CPS1: variants seen among roughly 807,000 people sequenced by gnomAD.
CPS1 encodes carbamoyl-phosphate synthase [ammonia], mitochondrial.
CPS1 carries 109 observed loss-of-function variants against 174.6 expected under a neutral mutation model. That is an observed-to-expected ratio of 0.62 (90% CI 0.53 to 0.73). The LOEUF is 0.73. Among genes scored for constraint, CPS1 ranks in the 30% least tolerant of loss-of-function variants. The pLI is 0.00. For missense variants in CPS1, 1,689 were observed against 1,821.9 expected (o/e 0.93, Z 1.33); for synonymous variants, 637 against 632.0 (o/e 1.01, Z -0.12).
At position 210,650,423 on chromosome 2, in the gene CPS1, G is replaced by A. The variant is rs772806744; in HGVS notation, c.3465G>A (p.Ala1155=). The A allele has an allele frequency of 1.6e-5, 26 of 1,612,490 alleles. 1 individual carries two copies. Among genetic ancestry groups the A allele is most frequent in the Admixed American group, 1.5e-4 (9 of 59,974 alleles). ...EDEMKKFLEE[A]TRVSQEHPVV... is the part of the protein sequence containing the mutation. ...AGATGAAAAAATTCCTAGAAGAGGC[G>A]ACTAGAGTTTCTCAGGTAGTGTCCA... is the stretch of plus-strand genomic sequence containing the variant. The change falls in exon 28 of 38, where the codon GCG becomes GCA. Residue 1155 remains alanine (A), a synonymous_variant. Coordinates refer to ENST00000233072, the MANE Select transcript of CPS1 (RefSeq NM_001875.5).
At chr2:210,521,081 C>A (rs976978348) in intron 1 of CPS1, among the ~76,000 whole-genome samples, 1 of 151,966 alleles carries the variant, frequency 6.6e-6, no homozygotes, top group African/African-American at 2.4e-5. Context: ...ATAGGAGTTT[C>A]AATTCTTTGA....
chr2:210,517,117 TA>T (rs1032107486), intron 1 of CPS1, among the ~76,000 whole-genome samples: 25 of 152,092 alleles, frequency 1.6e-4, no homozygotes, highest in Middle Eastern at 3.4e-3. Context: ...AAATATTTCA[TA>T]AAGGACCTTA....
At chr2:210,506,198 C>T (rs1381050608) in intron 1 of CPS1, among the ~76,000 whole-genome samples, 8 of 152,136 alleles carry the variant, frequency 5.3e-5, no homozygotes, top group South Asian at 2.1e-4. Flanking sequence ...TCCAGAGGAA[C>T]GATCGGGCAG....
At chr2:210,492,981 A>G (rs1474827138) in intron 1 of CPS1, among the ~76,000 whole-genome samples, 1 of 152,198 alleles carries the variant, frequency 6.6e-6, no homozygotes, top group Non-Finnish European at 1.5e-5. Context: ...GTCTGCAACA[A>G]CTGCAATAAT....
chr2:210,617,077 C>T (rs1430798150), intron 21 of CPS1, among the ~76,000 whole-genome samples: 1 of 151,946 alleles, frequency 6.6e-6, no homozygotes, highest in Non-Finnish European at 1.5e-5. Flanking sequence ...AGACTCTTCA[C>T]CTCTGACTAA....
chr2:210,477,818 G>C, intron 1 of CPS1: 1 of 1,599,686 alleles, frequency 6.3e-7, no homozygotes, highest in Non-Finnish European at 8.6e-7. Flanking sequence ...GTGTTTGAAG[G>C]AGCAACTCAC....
rs1381476557 is a variant in CPS1 at position 210,600,605 on chromosome 2, C to T, written c.1600C>T (p.Leu534=). 6.2e-7 allele frequency: 1 copy of T among 1,612,250 alleles called. No homozygotes were observed. Among genetic ancestry groups the T allele is most frequent in the East Asian group, 2.2e-5 (1 of 44,768 alleles). Residue 534 remains leucine (L), a synonymous_variant, in exon 15 of 38, where the codon CTG becomes TTG. Transcript: ENST00000233072. ...GCTCAAGGAATATGGTGTGAAAGTC[C>T]TGGGAACTTCAGTTGAGTCCATTAT... The part of the protein sequence containing the change: ...GVLKEYGVKV[L]GTSVESIMAT...
intron 1 of CPS1, among the ~76,000 whole-genome samples, chr2:210,538,992 A>C (rs1251818149): frequency 6.6e-6 from 1 of 152,150 alleles, no homozygotes; most frequent in Non-Finnish European, 1.5e-5. Flanking sequence ...ACTGGTTGGT[A>C]CATAGTGTAT....
chr2:210,677,090 G>A lies in CPS1; in HGVS notation c.4358G>A (p.Arg1453Gln), dbSNP rs1559142152. ...TKFVHDNYVI[R>Q]RTAVDSGIPL... ...TTTGTCCATGATAATTATGTGATTC[G>A]GAGGACAGCTGTTGATAGTGGAATC... Residue 1453 changes from arginine to glutamine, a missense_variant, in exon 37 of 38, where the codon CGG (arginine) becomes CAG (glutamine). Transcript: ENST00000233072. 3 of 1,613,582 alleles carry A rather than the reference G, an allele frequency of 1.9e-6. No homozygotes were observed. The highest frequency in any genetic ancestry group is 2.2e-5 in the East Asian group (1 of 44,842).
At chr2:210,610,052 C>A (rs1204623530) in intron 19 of CPS1, among the ~76,000 whole-genome samples, 6 of 151,798 alleles carry the variant, frequency 4.0e-5, no homozygotes, top group Non-Finnish European at 2.9e-5. Flanking sequence ...GTTTTTTCTC[C>A]ATTATAGTTG....
chr2:210,569,768 C>A (rs1390046137), intron 1 of CPS1, among the ~76,000 whole-genome samples: 1 of 151,992 alleles, frequency 6.6e-6, no homozygotes, highest in Non-Finnish European at 1.5e-5. Context: ...ATAGAACTCA[C>A]ATTTATATAA....
At chr2:210,587,790 C>A (rs546270848) in intron 6 of CPS1, among the ~76,000 whole-genome samples, 1 of 152,186 alleles carries the variant, frequency 6.6e-6, no homozygotes, top group East Asian at 1.9e-4. Flanking sequence ...ACTATGCATG[C>A]AACCAGTTTC....
chr2:210,533,870 C>A (rs1270181249), intron 1 of CPS1, among the ~76,000 whole-genome samples: 2 of 152,172 alleles, frequency 1.3e-5, no homozygotes, highest in Non-Finnish European at 2.9e-5. Context: ...GGAGCAAGTT[C>A]ATTTCAGAGT....
At chr2:210,610,993 T>G (rs1325106439) in intron 19 of CPS1, among the ~76,000 whole-genome samples, 2 of 151,936 alleles carry the variant, frequency 1.3e-5, no homozygotes, top group African/African-American at 2.4e-5. Context: ...AATATTTCCT[T>G]AATTTTACAG....
rs770491314 is a variant in CPS1, at chr2:210,534,794, C to T, written c.4-21925C>T. Among the ~76,000 whole-genome samples, 30 of 152,276 alleles carry T rather than the reference C, an allele frequency of 2.0e-4. 1 individual carries two copies. The highest frequency in any genetic ancestry group is 3.4e-3 in the Middle Eastern group (1 of 294). ...ATACAGTTTATTCAGTCAAATTCTA[C>T]GTTCTCTTCCTGGTCCCTTCTTTGA... On this transcript the variant is annotated intron_variant, in intron 1 of 38. Transcript: ENST00000430249.
At chr2:210,669,346 A>G (rs1276226369) in intron 34 of CPS1, among the ~76,000 whole-genome samples, 2 of 152,102 alleles carry the variant, frequency 1.3e-5, no homozygotes, top group Non-Finnish European at 2.9e-5. Context: ...TTTTTATTTG[A>G]GATTAGTAAT....
intron 29 of CPS1, among the ~76,000 whole-genome samples, chr2:210,656,113 A>T (rs1231431976): frequency 1.3e-5 from 2 of 152,142 alleles, no homozygotes; most frequent in East Asian, 3.9e-4. Context: ...TTTTTGGTCC[A>T]CCTAAGTTAT....
At chr2:210,563,367 A>G (rs371796814) in intron 1 of CPS1, among the ~76,000 whole-genome samples, 78 of 152,278 alleles carry the variant, frequency 5.1e-4, no homozygotes, top group African/African-American at 1.8e-3. Context: ...ACAATTATAT[A>G]AATAGGACAT....
chr2:210,512,604 C>A (rs930236377), intron 1 of CPS1, among the ~76,000 whole-genome samples: 1 of 150,882 alleles, frequency 6.6e-6, no homozygotes, highest in African/African-American at 2.4e-5. Flanking sequence ...TTCAATCTAC[C>A]ATTAATGGGC....
Sources: gnomAD v4.1 joint callset for allele counts (sites outside exome capture counted in the v4.1 genomes callset) on GRCh38, gnomAD v4.1.1 for gene constraint, MANE v1.5 for transcripts, NCBI Gene and HGNC (gene_info 2026-07-23, HGNC 2026-07-21) for gene names.